EYS: variants seen among roughly 807,000 people sequenced by gnomAD.
The protein encoded by EYS is protein eyes shut homolog.
A neutral mutation model predicts 282.1 loss-of-function variants in EYS; 250 were observed. The ratio of observed to expected loss-of-function variants is 0.89; its 90% confidence interval spans 0.80 to 0.98. The LOEUF is 0.98. Among genes scored for constraint, EYS ranks in the 50% least tolerant of loss-of-function variants. The pLI is 0.00. For missense variants in EYS, 4,016 were observed against 3,709.0 expected (o/e 1.08, Z -2.15); for synonymous variants, 1,355 against 1,282.9 (o/e 1.06, Z -1.20).
At chr6:63,858,624 C>T (rs1772454156) in intron 36 of EYS, among the ~76,000 whole-genome samples, 1 of 152,114 alleles carries the variant, frequency 6.6e-6, no homozygotes, top group Admixed American at 6.6e-5. Flanking sequence ...CACTTTTTTT[C>T]TCATTCCTGT....
At chr6:64,578,597 T>TTG (rs144119735) in intron 26 of EYS, among the ~76,000 whole-genome samples, 3,331 of 147,968 alleles carry the variant, frequency 0.023, 90 homozygotes, top group African/African-American at 0.063. Context: ...CTCTCTCTCT[T>TTG]TGTGTGTGTG....
intron 31 of EYS, among the ~76,000 whole-genome samples, chr6:64,190,558 T>C (rs1388151101): frequency 6.6e-6 from 1 of 152,176 alleles, no homozygotes; most frequent in Admixed American, 6.5e-5. Context: ...GAGATGCCAA[T>C]TTAAAATTTC....
chr6:63,977,131 T>G lies in EYS; in HGVS notation c.7055+7252A>C, dbSNP rs541685596. ...AGGGCTAAATATTATTATATATTAC[T>G]GTACATATGCAGTAATCTATATATA... On this transcript the variant is annotated intron_variant, in intron 35 of 42. Transcript: ENST00000503581. Among the ~76,000 whole-genome samples the G allele has an allele frequency of 2.0e-5, 3 of 151,886 alleles. No individual in the cohort carries two copies. The East Asian group carries it at 5.8e-4, about 29-fold the overall frequency.
rs150797174 is a variant in EYS, at chr6:64,057,894, C to G, written c.6725+8444G>C. 6.8e-4 allele frequency among the ~76,000 whole-genome samples: 104 copies of G among 152,182 alleles called. 1 individual carries two copies. The highest frequency in any genetic ancestry group is 2.4e-3 in the African/African-American group (101 of 41,536). On this transcript the variant is annotated intron_variant, in intron 33 of 42. Transcript: ENST00000503581. ...TCACCCAGGCTGGAGTTTGGTGGTA[C>G]GACCTTGGCTCACTGCAGCCTCAAC...
chr6:64,602,472 T>G (rs1766792985), intron 24 of EYS, among the ~76,000 whole-genome samples: 1 of 151,988 alleles, frequency 6.6e-6, no homozygotes, highest in South Asian at 2.1e-4. Context: ...CTCTGAGAAA[T>G]AAGGGCCACA....
chr6:64,424,079 T>C (rs1440222891), intron 28 of EYS, among the ~76,000 whole-genome samples: 2 of 152,190 alleles, frequency 1.3e-5, no homozygotes, highest in African/African-American at 4.8e-5. Flanking sequence ...AGTTCTTCAA[T>C]AATTAACATA....
At chr6:65,654,929 T>C (rs1484509082) in intron 1 of EYS, among the ~76,000 whole-genome samples, 1 of 147,138 alleles carries the variant, frequency 6.8e-6, no homozygotes, top group East Asian at 2.0e-4. Context: ...TATGGAAATA[T>C]GTCCAAATTA....
chr6:64,369,616 TC>T (rs1242017669), intron 29 of EYS, among the ~76,000 whole-genome samples: 1 of 151,920 alleles, frequency 6.6e-6, no homozygotes, highest in African/African-American at 2.4e-5. Flanking sequence ...CATTTAGAAG[TC>T]TTTCACCTCT....
At chr6:64,652,126 A>G (rs1286682834) in intron 22 of EYS, among the ~76,000 whole-genome samples, 1 of 152,206 alleles carries the variant, frequency 6.6e-6, no homozygotes, top group African/African-American at 2.4e-5. Flanking sequence ...AAGATGAACT[A>G]ATGAGATGAT....
At chr6:64,190,040 C>T (rs575544372) in intron 31 of EYS, among the ~76,000 whole-genome samples, 68 of 152,178 alleles carry the variant, frequency 4.5e-4, no homozygotes, top group African/African-American at 1.3e-3. Flanking sequence ...TTGCTAGCTA[C>T]GTAACAATAG....
intron 35 of EYS, among the ~76,000 whole-genome samples, chr6:63,956,224 C>A (rs1765813806): frequency 6.6e-6 from 1 of 152,200 alleles, no homozygotes; most frequent in African/African-American, 2.4e-5. Flanking sequence ...TGAAGAATCA[C>A]AAAAGAAGTG....
chr6:63,812,286 GCCTGAAC>G (rs1252567756), intron 36 of EYS, among the ~76,000 whole-genome samples: 2 of 152,066 alleles, frequency 1.3e-5, no homozygotes, highest in Non-Finnish European at 2.9e-5. Context: ...TGTTCCCGGT[GCCTGAAC>G]CACATTTTCC....
intron 22 of EYS, among the ~76,000 whole-genome samples, chr6:64,773,983 T>C (rs1773604873): frequency 6.6e-6 from 1 of 152,024 alleles, no homozygotes; most frequent in Non-Finnish European, 1.5e-5. Context: ...GCTTTTGGCA[T>C]CTTTATCATG....
chr6:64,543,398 G>C (rs1187624562), intron 26 of EYS, among the ~76,000 whole-genome samples: 1 of 151,872 alleles, frequency 6.6e-6, no homozygotes, highest in Non-Finnish European at 1.5e-5. Flanking sequence ...AAAGAAATTG[G>C]CTTTTTTCCT....
At chr6:65,556,042 T>A (rs902762080) in intron 2 of EYS, among the ~76,000 whole-genome samples, 2 of 152,228 alleles carry the variant, frequency 1.3e-5, no homozygotes, top group Non-Finnish European at 2.9e-5. Flanking sequence ...GTCTGTGCTG[T>A]TCTAGCTTTG....
chr6:65,613,126 C>T (rs910720454), intron 2 of EYS, among the ~76,000 whole-genome samples: 4 of 151,756 alleles, frequency 2.6e-5, no homozygotes, highest in Admixed American at 1.3e-4. Flanking sequence ...CAGATATACA[C>T]GTCTGTCTTA....
intron 36 of EYS, chr6:63,806,980 A>C (rs1431508438): frequency 6.6e-6 from 1 of 152,224 alleles, no homozygotes; most frequent in Non-Finnish European, 1.5e-5. Context: ...TAATAAAAAC[A>C]TGGAATTCAA....
intron 23 of EYS, among the ~76,000 whole-genome samples, chr6:64,619,913 A>T (rs554919871): frequency 6.6e-6 from 1 of 152,280 alleles, no homozygotes; most frequent in African/African-American, 2.4e-5. Flanking sequence ...AAGTTTTCTA[A>T]AGTAAATGCT....
At chr6:64,876,010 T>C (rs1031709238) in intron 19 of EYS, among the ~76,000 whole-genome samples, 1 of 152,042 alleles carries the variant, frequency 6.6e-6, no homozygotes, top group African/African-American at 2.4e-5. Flanking sequence ...GTTACTTGTC[T>C]TAATTTGCTA....
Sources: gnomAD v4.1 joint callset for allele counts (sites outside exome capture counted in the v4.1 genomes callset) on GRCh38, gnomAD v4.1.1 for gene constraint, MANE v1.5 for transcripts, NCBI Gene and HGNC (gene_info 2026-07-23, HGNC 2026-07-21) for gene names.